Variants in FRMD5 observed in about 807,000 individuals in gnomAD.
The protein encoded by FRMD5 is FERM domain containing 5.
In FRMD5, 20 loss-of-function variants were observed where a neutral mutation model predicts 69.0. That is an observed-to-expected ratio of 0.29 (90% CI 0.20 to 0.42). The LOEUF (loss-of-function observed/expected upper bound fraction) is 0.42, where lower values mean the gene tolerates loss of function less well. FRMD5 is among the 10% of genes least tolerant of loss of function. The pLI, the probability that FRMD5 is intolerant of heterozygous loss-of-function variation, is 1.00. For missense variants in FRMD5, 595 were observed against 708.6 expected, an observed-to-expected ratio of 0.84 and a Z score of 1.82; for synonymous variants, 271 against 260.1, an observed-to-expected ratio of 1.04 and a Z score of -0.40.
At chr15:44,070,222 C>T (rs1268897778) in intron 1 of FRMD5, among the ~76,000 whole-genome samples, 2 of 151,850 alleles carry the variant, frequency 1.3e-5, no homozygotes, top group African/African-American at 4.8e-5. Context: ...TGCTTGTAAT[C>T]CTAGCTCTTT....
At chr15:43,957,375 T>G (rs1023405657) in intron 1 of FRMD5, among the ~76,000 whole-genome samples, 2 of 152,188 alleles carry the variant, frequency 1.3e-5, no homozygotes, top group African/African-American at 4.8e-5. Flanking sequence ...TTTTGTATTT[T>G]TAGTAGAGAC....
intron 1 of FRMD5, chr15:43,989,783 C>T (rs1433419494): frequency 2.8e-5 from 29 of 1,039,838 alleles, no homozygotes; most frequent in Admixed American, 6.9e-5. Flanking sequence ...TGGATGGCCA[C>T]GTACATGGCT....
chr15:44,106,460 T>G (rs1045878686), intron 1 of FRMD5, among the ~76,000 whole-genome samples: 1 of 152,176 alleles, frequency 6.6e-6, no homozygotes, highest in Non-Finnish European at 1.5e-5. Context: ...CATATTGCAC[T>G]CTTTGCTTCC....
intron 1 of FRMD5, among the ~76,000 whole-genome samples, chr15:44,117,583 T>C (rs1380028509): frequency 6.6e-6 from 1 of 152,342 alleles, no homozygotes; most frequent in East Asian, 1.9e-4. Flanking sequence ...GGGTTACAAC[T>C]TAGATGTTAT....
At chr15:43,950,076 G>A (rs116163927) in intron 1 of FRMD5, among the ~76,000 whole-genome samples, 1 of 152,216 alleles carries the variant, frequency 6.6e-6, no homozygotes, top group Non-Finnish European at 1.5e-5. Flanking sequence ...GCTAGAGGTT[G>A]TCCTACACTG....
chr15:43,921,120 G>A (rs984757806), intron 2 of FRMD5, among the ~76,000 whole-genome samples: 8 of 152,182 alleles, frequency 5.3e-5, no homozygotes, highest in East Asian at 1.9e-4. Flanking sequence ...GGCCCACCGC[G>A]GCTCAGCTTC....
rs1378602014 is a variant in FRMD5 at position 44,093,529 on chromosome 15, G to A, written c.102+101424C>T. On this transcript the variant is annotated intron_variant, in intron 1 of 13. Transcript: ENST00000417257. ...ATCCATTAGATTATGCAAAAGCATG[G>A]ATGAGAGACAATACTTGGTTGACAA... Among the ~76,000 whole-genome samples, 15 of 151,952 alleles carry A rather than the reference G, an allele frequency of 9.9e-5. No individual in the cohort carries two copies. The South Asian group carries it at 2.9e-3, about 29-fold the overall frequency.
chr15:43,876,047 T>C (rs2140334847), intron 13 of FRMD5: 2 of 1,211,936 alleles, frequency 1.7e-6, no homozygotes, highest in Non-Finnish European at 2.5e-6. Flanking sequence ...GTGTGGCCAC[T>C]TCATTGAATC....
intron 1 of FRMD5, among the ~76,000 whole-genome samples, chr15:43,928,467 G>A (rs944724639): frequency 6.6e-6 from 1 of 152,236 alleles, no homozygotes; most frequent in African/African-American, 2.4e-5. Context: ...GTGGCTGGTG[G>A]AGTGGCCTGA....
At chr15:44,155,148 A>G (rs2077506463) in intron 1 of FRMD5, among the ~76,000 whole-genome samples, 3 of 152,104 alleles carry the variant, frequency 2.0e-5, no homozygotes, top group Non-Finnish European at 4.4e-5. Flanking sequence ...ATAAAAAGAA[A>G]AGCTGGCCAG....
chr15:43,995,189 G>C (rs1889863399), intron 1 of FRMD5, among the ~76,000 whole-genome samples: 1 of 152,054 alleles, frequency 6.6e-6, no homozygotes, highest in Non-Finnish European at 1.5e-5. Flanking sequence ...TAAATATCTA[G>C]ATTACTAGTA....
intron 1 of FRMD5, among the ~76,000 whole-genome samples, chr15:43,995,306 T>G (rs1889868444): frequency 1.3e-5 from 2 of 152,212 alleles, no homozygotes; most frequent in Admixed American, 1.3e-4. Context: ...ATGTAACCAA[T>G]GTAGGCTTAA....
At chr15:44,083,531 G>C (rs1894075232) in intron 1 of FRMD5, among the ~76,000 whole-genome samples, 1 of 151,932 alleles carries the variant, frequency 6.6e-6, no homozygotes, top group Admixed American at 6.6e-5. Flanking sequence ...ACCTAGCCGA[G>C]CTTCAACTGA....
intron 1 of FRMD5, among the ~76,000 whole-genome samples, chr15:44,101,703 T>TA: frequency 6.6e-6 from 1 of 152,366 alleles, no homozygotes; most frequent in Middle Eastern, 3.4e-3. Context: ...AGGCAACTTT[T>TA]ACTATATTTT....
intron 1 of FRMD5, among the ~76,000 whole-genome samples, chr15:44,113,995 A>C (rs908743154): frequency 6.6e-6 from 1 of 152,232 alleles, no homozygotes; most frequent in Non-Finnish European, 1.5e-5. Context: ...AAGGGTAAAC[A>C]TATAATGGAT....
At chr15:44,054,511 T>A (rs1258653089) in intron 1 of FRMD5, among the ~76,000 whole-genome samples, 2 of 152,184 alleles carry the variant, frequency 1.3e-5, no homozygotes, top group Non-Finnish European at 2.9e-5. Flanking sequence ...ATACAAAGAA[T>A]GGTTTAACAG....
At chr15:44,179,273 A>G (rs2080683422) in intron 1 of FRMD5, among the ~76,000 whole-genome samples, 1 of 152,182 alleles carries the variant, frequency 6.6e-6, no homozygotes, top group Admixed American at 6.5e-5. Flanking sequence ...TAAGACTTTG[A>G]ATCTGAAAAA....
intron 1 of FRMD5, among the ~76,000 whole-genome samples, chr15:44,109,088 T>C (rs944397694): frequency 6.6e-6 from 1 of 152,142 alleles, no homozygotes; most frequent in Non-Finnish European, 1.5e-5. Flanking sequence ...ATGTACTCAA[T>C]AAAATGTTAG....
In FRMD5 at chr15:43,875,390, A is replaced by ATATATATATG. The variant is rs1385798025; in HGVS notation, c.1136-929_1136-928insCATATATATA. Among the ~76,000 whole-genome samples, 374 of 124,558 alleles carry ATATATATATG rather than the reference A, an allele frequency of 3.0e-3. 4 individuals carry two copies. The highest frequency in any genetic ancestry group is 9.8e-3 in the Admixed American group (109 of 11,122). 81.7% of individuals were successfully genotyped at this position (124,558 alleles called of 152,430 possible). ...TATATATATATATATATATATATAT[A>ATATATATATG]TATGTATGTATGAAACAAGAGAAGG... is the stretch of plus-strand genomic sequence containing the variant. On this transcript the variant is annotated intron_variant, in intron 13 of 13. Transcript: ENST00000417257.
Sources: gnomAD v4.1 joint callset for allele counts (sites outside exome capture counted in the v4.1 genomes callset) on GRCh38, gnomAD v4.1.1 for gene constraint, MANE v1.5 for transcripts, NCBI Gene and HGNC (gene_info 2026-07-23, HGNC 2026-07-21) for gene names.